The following ARHGAP28 variants were observed in gnomAD, a reference collection of about 807,000 sequenced individuals.
The protein encoded by ARHGAP28 is Rho GTPase activating protein 28.
A neutral mutation model predicts 90.7 loss-of-function variants in ARHGAP28; 56 were observed. That is an observed-to-expected ratio of 0.62 (90% confidence interval 0.50 to 0.77). The LOEUF (loss-of-function observed/expected upper bound fraction) is 0.77, where lower values mean the gene tolerates loss of function less well. Among genes scored for constraint, ARHGAP28 ranks in the 30% least tolerant of loss-of-function variants. The pLI, the probability that ARHGAP28 is intolerant of heterozygous loss-of-function variation, is 0.00. For synonymous variants in ARHGAP28, 308 were observed against 323.3 expected (o/e 0.95, Z 0.51); for missense variants, 869 against 900.9 (o/e 0.96, Z 0.45).
intron 2 of ARHGAP28, among the ~76,000 whole-genome samples, chr18:6,826,683 C>CTTTTTTT (rs36069648): frequency 1.6e-3 from 138 of 88,234 alleles, no homozygotes; most frequent in African/African-American, 1.8e-3. Context: ...GGATTTTGAG[C>CTTTTTTT]TTTTTTTTTT....
At chr18:6,802,335 CTTTTTT>C (rs35950139) in intron 1 of ARHGAP28, among the ~76,000 whole-genome samples, 5 of 52,762 alleles carry the variant, frequency 9.5e-5, no homozygotes, top group Admixed American at 7.6e-4. Flanking sequence ...TATGGTAGTT[CTTTTTT>C]TTTTTTTTTT....
chr18:6,891,451 G>T (rs1271693819), intron 14 of ARHGAP28, among the ~76,000 whole-genome samples: 3 of 151,886 alleles, frequency 2.0e-5, no homozygotes, highest in African/African-American at 7.3e-5. Flanking sequence ...TTTTAGTAGA[G>T]ACAGGGTATT....
chr18:6,907,394 G>GAAAAA (rs201812761), intron 16 of ARHGAP28, among the ~76,000 whole-genome samples: 2 of 136,848 alleles, frequency 1.5e-5, no homozygotes, highest in Non-Finnish European at 1.6e-5. Flanking sequence ...TCAAAAACTG[G>GAAAAA]AAAAAAAAAA....
intron 2 of ARHGAP28, among the ~76,000 whole-genome samples, chr18:6,829,075 C>T (rs1335399662): frequency 6.6e-6 from 1 of 152,158 alleles, no homozygotes; most frequent in Non-Finnish European, 1.5e-5. Context: ...AACGCCCCAC[C>T]ACACATGTAA....
At chr18:6,841,210 T>TCTCTCTCTC (rs1567966906) in intron 3 of ARHGAP28, among the ~76,000 whole-genome samples, 95 of 94,318 alleles carry the variant, frequency 1.0e-3, no homozygotes, top group Non-Finnish European at 1.3e-3. Flanking sequence ...TCTCCTCTCC[T>TCTCTCTCTC]CTCTCTCTCT....
intron 5 of ARHGAP28, among the ~76,000 whole-genome samples, chr18:6,867,468 T>C (rs958027373): frequency 6.6e-6 from 1 of 152,166 alleles, no homozygotes; most frequent in African/African-American, 2.4e-5. Context: ...AGGATTTGTG[T>C]GTAAATTTTT....
intron 6 of ARHGAP28, among the ~76,000 whole-genome samples, chr18:6,869,396 A>G (rs1341421546): frequency 1.3e-5 from 2 of 151,028 alleles, no homozygotes; most frequent in Non-Finnish European, 2.9e-5. Context: ...GAGTAGCTGG[A>G]ATTACAGGTG....
chr18:6,893,152 C>T (rs1283816337), intron 14 of ARHGAP28, among the ~76,000 whole-genome samples: 4 of 152,200 alleles, frequency 2.6e-5, no homozygotes, highest in Non-Finnish European at 5.9e-5. Flanking sequence ...TTTGACATTA[C>T]ACCCCTCTAG....
chr18:6,750,568 C>T (rs1210080772), intron 1 of ARHGAP28, among the ~76,000 whole-genome samples: 1 of 152,176 alleles, frequency 6.6e-6, no homozygotes, highest in Non-Finnish European at 1.5e-5. Flanking sequence ...TTGTTTAGCT[C>T]ATGATTCTAG....
chr18:6,751,065 G>A (rs182101099), intron 1 of ARHGAP28, among the ~76,000 whole-genome samples: 2 of 151,968 alleles, frequency 1.3e-5, no homozygotes, highest in African/African-American at 4.8e-5. Flanking sequence ...CAGAAGTCAG[G>A]GTTTATCTTT....
intron 1 of ARHGAP28, among the ~76,000 whole-genome samples, chr18:6,818,102 C>T (rs1289562898): frequency 1.3e-5 from 2 of 152,160 alleles, no homozygotes; most frequent in Non-Finnish European, 1.5e-5. Context: ...TGTATTCACT[C>T]CTCGTAACAG....
chr18:6,812,084 C>T (rs979940506), intron 1 of ARHGAP28, among the ~76,000 whole-genome samples: 1 of 152,134 alleles, frequency 6.6e-6, no homozygotes, highest in Admixed American at 6.5e-5. Context: ...CATATTTTCC[C>T]ACAGAGGCTA....
intron 1 of ARHGAP28, among the ~76,000 whole-genome samples, chr18:6,812,734 G>C (rs1203842729): frequency 1.3e-5 from 2 of 152,220 alleles, no homozygotes; most frequent in African/African-American, 2.4e-5. Flanking sequence ...ACAGTGTGAA[G>C]TGTCAGCCAC....
intron 1 of ARHGAP28, among the ~76,000 whole-genome samples, chr18:6,765,689 G>T (rs1360381167): frequency 2.0e-5 from 3 of 151,846 alleles, no homozygotes; most frequent in Non-Finnish European, 4.4e-5. Flanking sequence ...AATAGCTTCC[G>T]TAAGATGGAA....
At chr18:6,805,103 G>T (rs1057257650) in intron 1 of ARHGAP28, among the ~76,000 whole-genome samples, 3 of 152,124 alleles carry the variant, frequency 2.0e-5, no homozygotes, top group Non-Finnish European at 2.9e-5. Flanking sequence ...AGAACTACAG[G>T]TACATCAGGC....
chr18:6,797,367 G>A (rs185695377), intron 1 of ARHGAP28, among the ~76,000 whole-genome samples: 30 of 152,276 alleles, frequency 2.0e-4, no homozygotes, highest in African/African-American at 6.7e-4. Context: ...TGGAGGCCGC[G>A]TAGTCTGAGC....
At chr18:6,802,812 C>T (rs1046310096) in intron 1 of ARHGAP28, among the ~76,000 whole-genome samples, 1 of 152,120 alleles carries the variant, frequency 6.6e-6, no homozygotes, top group African/African-American at 2.4e-5. Context: ...TTGCAGTGTT[C>T]AGTGTACAGA....
At position 6,824,794 on chromosome 18, in the gene ARHGAP28, G is replaced by A; in HGVS notation, c.155G>A (p.Arg52Lys). ...ATTCCTCGCTGCCGAAGAATTAACAGGATGCTCTCCAATGAATCCCTCCAT... is the reference window on the plus strand; with the variant it reads ...ATTCCTCGCTGCCGAAGAATTAACAAGATGCTCTCCAATGAATCCCTCCAT... ...KSIPRCRRIN[R>K]MLSNESLHPP... The change falls in exon 2 of 18, where the codon AGG becomes AAG. Residue 52 changes from arginine (R) to lysine (K), a missense_variant. Arg to Lys is a conservative substitution (Grantham distance 26). Transcript: ENST00000383472. 1 of 1,535,644 alleles carries A rather than the reference G, an allele frequency of 6.5e-7. No homozygotes were observed. Among genetic ancestry groups the A allele is most frequent in the Non-Finnish European group, 8.7e-7 (1 of 1,146,608 alleles).
intron 1 of ARHGAP28, among the ~76,000 whole-genome samples, chr18:6,744,628 CTAATT>C (rs2056006969): frequency 6.6e-6 from 1 of 152,046 alleles, no homozygotes; most frequent in Non-Finnish European, 1.5e-5. Flanking sequence ...AAATTGTTAC[CTAATT>C]TTAGTTCATT....
Sources: gnomAD v4.1 joint callset for allele counts (sites outside exome capture counted in the v4.1 genomes callset) on GRCh38, gnomAD v4.1.1 for gene constraint, MANE v1.5 for transcripts, NCBI Gene and HGNC (gene_info 2026-07-23, HGNC 2026-07-21) for gene names.